The following PSAT1 variants were observed in gnomAD, a reference collection of about 807,000 sequenced individuals.
The protein encoded by PSAT1 is phosphoserine aminotransferase.
A neutral mutation model predicts 40.3 loss-of-function variants in PSAT1; 41 were observed. The observed-to-expected ratio is 1.02, with a 90% confidence interval of 0.79 to 1.32. The LOEUF is 1.32. Among genes scored for constraint, PSAT1 ranks in the 40% most tolerant of loss-of-function variants. PSAT1 has a pLI of 0.00. For missense variants in PSAT1, 406 were observed against 455.8 expected (o/e 0.89, Z 0.99); for synonymous variants, 147 against 170.5 (o/e 0.86, Z 1.07).
intron 5 of PSAT1, 151 bp from the exon 6 acceptor site, chr9:78,308,263 A>G: frequency 1.1e-6 from 1 of 890,424 alleles, no homozygotes; most frequent in Admixed American, 2.0e-5. Context: ...TGCTGTCCAC[A>G]TGGAGATTGC....
At chr9:78,309,432 G>C (rs1213358850) in intron 6 of PSAT1, among the ~76,000 whole-genome samples, 2 of 152,104 alleles carry the variant, frequency 1.3e-5, no homozygotes, top group African/African-American at 2.4e-5. Flanking sequence ...GCATGATCTC[G>C]GCTCACTGCA....
chr9:78,318,533 G>A lies in PSAT1; in HGVS notation c.869+729G>A, dbSNP rs560194947. On this transcript the variant is annotated intron_variant, in intron 7 of 8. Coordinates refer to ENST00000376588, the MANE Select transcript of PSAT1 (RefSeq NM_058179.4). ...AAAATCAAAATGTCAGCAGGGTTTT[G>A]GTCCCTCCAGAGAGCCATGCCTTGC... Among the ~76,000 whole-genome samples, 11 of 152,224 alleles carry A rather than the reference G, an allele frequency of 7.2e-5. 1 individual carries two copies. In the South Asian group the frequency reaches 2.1e-3, roughly 29 times the overall value.
At chr9:78,298,216 G>A in intron 1 of PSAT1, 6 of 905,846 alleles carry the variant, frequency 6.6e-6, no homozygotes, top group Non-Finnish European at 7.8e-6. Flanking sequence ...AGAAGGCAAA[G>A]TCTCCGATGT....
chr9:78,297,907 G>A (rs11137591), intron 1 of PSAT1, among the ~76,000 whole-genome samples: 28,278 of 152,032 alleles, frequency 0.19, 2,939 homozygotes, highest in African/African-American at 0.29. Flanking sequence ...CTTCAGTCCA[G>A]CTTTCCCCTC....
At position 78,325,159 on chromosome 9, in the gene PSAT1, C is replaced by G. The variant is rs1326882387; in HGVS notation, c.870-2892C>G. Among the ~76,000 whole-genome samples the G allele has an allele frequency of 2.0e-5, 3 of 152,070 alleles. No homozygotes were observed. The East Asian group carries it at 5.8e-4, about 29-fold the overall frequency. On this transcript the variant is annotated intron_variant, in intron 7 of 8. Coordinates refer to ENST00000376588, the MANE Select transcript of PSAT1 (RefSeq NM_058179.4). The stretch of plus-strand genomic sequence containing the variant: ...CACAGTAGCTTCAGGGCTGTGTGAT[C>G]TGGTTGTTCCCATGTAGCTTCCTAA...
chr9:78,303,441 T>G (rs1007592920), intron 3 of PSAT1, among the ~76,000 whole-genome samples: 3 of 152,286 alleles, frequency 2.0e-5, no homozygotes, highest in Non-Finnish European at 4.4e-5. Flanking sequence ...GGCTATGAAC[T>G]TCCTCTGACT....
chr9:78,317,946 T>G, intron 7 of PSAT1, 142 bp downstream of exon 7: 1 of 1,063,090 alleles, frequency 9.4e-7, no homozygotes, highest in Non-Finnish European at 1.4e-6. Context: ...CTGGGCCCCA[T>G]GAGCAGGGGA....
chr9:78,311,371 C>A (rs1489700804), intron 6 of PSAT1, among the ~76,000 whole-genome samples: 3 of 152,162 alleles, frequency 2.0e-5, no homozygotes, highest in Admixed American at 6.5e-5. Flanking sequence ...AGACCATCAC[C>A]CATTTCAGAA....
chr9:78,310,719 T>G (rs1024951063), intron 6 of PSAT1, among the ~76,000 whole-genome samples: 3 of 152,046 alleles, frequency 2.0e-5, no homozygotes. Context: ...CAAGCAATTC[T>G]GTCTCAGCCT....
At chr9:78,326,630 G>T (rs1370214589) in intron 7 of PSAT1, among the ~76,000 whole-genome samples, 1 of 152,032 alleles carries the variant, frequency 6.6e-6, no homozygotes, top group African/African-American at 2.4e-5. Context: ...TTAATATGTT[G>T]CAGACATAGT....
chr9:78,310,125 A>G (rs1828244833), intron 6 of PSAT1, among the ~76,000 whole-genome samples: 2 of 152,140 alleles, frequency 1.3e-5, no homozygotes, highest in South Asian at 4.1e-4. Context: ...GAGTTTGTAG[A>G]TTTATCTTTC....
chr9:78,320,189 T>TCACCCATC (rs988938557), intron 7 of PSAT1, among the ~76,000 whole-genome samples: 1 of 139,356 alleles, frequency 7.2e-6, no homozygotes, highest in Non-Finnish European at 1.6e-5. Flanking sequence ...ATCTACCCAT[T>TCACCCATC]CACCCATCCA....
At chr9:78,321,525 G>C (rs1828429026) in intron 7 of PSAT1, among the ~76,000 whole-genome samples, 1 of 152,158 alleles carries the variant, frequency 6.6e-6, no homozygotes, top group Non-Finnish European at 1.5e-5. Context: ...TTTTGTCTCT[G>C]AGAAGATGCA....
chr9:78,321,799 G>A (rs375828899), intron 7 of PSAT1, among the ~76,000 whole-genome samples: 129 of 152,258 alleles, frequency 8.5e-4, no homozygotes, highest in African/African-American at 3.0e-3. Flanking sequence ...GTGTGACCTC[G>A]TGCAAATGAC....
At chr9:78,304,133 T>G (rs538365174) in intron 3 of PSAT1, among the ~76,000 whole-genome samples, 3 of 152,182 alleles carry the variant, frequency 2.0e-5, no homozygotes, top group Non-Finnish European at 4.4e-5. Context: ...CTCACTGGCT[T>G]AAGTAAAAAA....
At chr9:78,306,929 C>T (rs758987896) in intron 5 of PSAT1, among the ~76,000 whole-genome samples, 5 of 152,122 alleles carry the variant, frequency 3.3e-5, no homozygotes, top group African/African-American at 1.2e-4. Context: ...GTGGGACTGG[C>T]GCTGTAGGTA....
At chr9:78,310,168 T>TA (rs1473202067) in intron 6 of PSAT1, among the ~76,000 whole-genome samples, 1 of 152,156 alleles carries the variant, frequency 6.6e-6, no homozygotes, top group Admixed American at 6.5e-5. Context: ...GGTGATGCTT[T>TA]ATGTGTATGA....
chr9:78,299,582 G>C (rs139726707), intron 1 of PSAT1, among the ~76,000 whole-genome samples: 1 of 137,820 alleles, frequency 7.3e-6, no homozygotes, highest in Non-Finnish European at 1.5e-5. Flanking sequence ...GCTTGGTCTC[G>C]GCTCACTGAA....
At chr9:78,305,366 C>T (rs990070892) in intron 4 of PSAT1, among the ~76,000 whole-genome samples, 7 of 152,172 alleles carry the variant, frequency 4.6e-5, no homozygotes, top group South Asian at 4.1e-4. Context: ...CCGCCTGCCT[C>T]GGCCTCCCAG....
Sources: gnomAD v4.1 joint callset for allele counts (sites outside exome capture counted in the v4.1 genomes callset) on GRCh38, gnomAD v4.1.1 for gene constraint, MANE v1.5 for transcripts, NCBI Gene and HGNC (gene_info 2026-07-23, HGNC 2026-07-21) for gene names.